Variants in CDC14A observed in about 807,000 individuals in gnomAD.
The protein encoded by CDC14A is dual specificity protein phosphatase CDC14A.
CDC14A carries 53 observed loss-of-function variants against 74.4 expected under a neutral mutation model. The observed-to-expected ratio is 0.71, with a 90% CI of 0.57 to 0.89. The LOEUF is 0.89. CDC14A is among the 40% of genes least tolerant of loss of function. The pLI is 0.00. For synonymous variants in CDC14A, 247 were observed against 258.4 expected (o/e 0.96, Z 0.43); for missense variants, 646 against 713.7 (o/e 0.91, Z 1.08).
intron 7 of CDC14A, among the ~76,000 whole-genome samples, chr1:100,445,391 C>G (rs1665422578): frequency 6.6e-6 from 1 of 152,170 alleles, no homozygotes; most frequent in Non-Finnish European, 1.5e-5. Flanking sequence ...GATGGACCCT[C>G]AAATTAGGTG....
At chr1:100,346,631 CAAAAAA>C (rs200477363) in intron 1 of CDC14A, among the ~76,000 whole-genome samples, 1 of 77,960 alleles carries the variant, frequency 1.3e-5, no homozygotes. Context: ...GACTCTGTCT[CAAAAAA>C]AAAAAAAAAA....
intron 5 of CDC14A, among the ~76,000 whole-genome samples, chr1:100,433,321 AC>A (rs1347213776): frequency 6.6e-6 from 1 of 152,224 alleles, no homozygotes; most frequent in African/African-American, 2.4e-5. Flanking sequence ...CCAACACTGT[AC>A]TATACTCTGG....
chr1:100,353,911 A>T (rs1651505783), intron 2 of CDC14A, 59 bp downstream of exon 2: 1 of 926,462 alleles, frequency 1.1e-6, no homozygotes, highest in Non-Finnish European at 1.7e-6. Flanking sequence ...TTGACGAGGA[A>T]ACACTATGCA....
intron 11 of CDC14A, among the ~76,000 whole-genome samples, chr1:100,491,518 A>ATCTCTC (rs761858427): frequency 0.054 from 1,418 of 26,394 alleles, 96 homozygotes; most frequent in Non-Finnish European, 0.085. Flanking sequence ...ATATATCTGC[A>ATCTCTC]TCTCTCTCTC....
chr1:100,511,688 T>C (rs1649795638), intron 15 of CDC14A, among the ~76,000 whole-genome samples: 2 of 152,212 alleles, frequency 1.3e-5, no homozygotes, highest in Non-Finnish European at 2.9e-5. Flanking sequence ...CTTTCCCTTG[T>C]CACACCAGTC....
intron 2 of CDC14A, among the ~76,000 whole-genome samples, chr1:100,373,759 G>C (rs1294799116): frequency 6.6e-6 from 1 of 152,026 alleles, no homozygotes; most frequent in African/African-American, 2.4e-5. Flanking sequence ...TAAGAAATGA[G>C]TCTAGAACTT....
chr1:100,433,868 A>G (rs1213713821), intron 5 of CDC14A, among the ~76,000 whole-genome samples: 1 of 152,188 alleles, frequency 6.6e-6, no homozygotes, highest in East Asian at 1.9e-4. Context: ...TACTTTTACC[A>G]CTGCTGATTT....
intron 10 of CDC14A, among the ~76,000 whole-genome samples, chr1:100,471,134 T>C (rs898425993): frequency 7.9e-5 from 12 of 152,026 alleles, no homozygotes; most frequent in Non-Finnish European, 4.4e-5. Flanking sequence ...CATAGATGAA[T>C]ATCATATTAT....
intron 4 of CDC14A, among the ~76,000 whole-genome samples, chr1:100,394,567 G>C (rs1213473243): frequency 1.3e-5 from 2 of 152,216 alleles, no homozygotes; most frequent in Admixed American, 6.5e-5. Context: ...TTCTGATGGA[G>C]AAGTTTCCAC....
At chr1:100,506,759 C>G (rs562406884) in intron 15 of CDC14A, among the ~76,000 whole-genome samples, 1 of 152,254 alleles carries the variant, frequency 6.6e-6, no homozygotes, top group South Asian at 2.1e-4. Flanking sequence ...GGTTGTTCAG[C>G]TTAATTTTAT....
chr1:100,440,139 A>G, intron 6 of CDC14A, 141 bp downstream of exon 6: 1 of 638,002 alleles, frequency 1.6e-6, no homozygotes, highest in Non-Finnish European at 2.7e-6. Flanking sequence ...TTGAAGGATG[A>G]TTGATTTGTA....
At chr1:100,514,382 T>G (rs1650029769) in intron 15 of CDC14A, among the ~76,000 whole-genome samples, 1 of 152,314 alleles carries the variant, frequency 6.6e-6, no homozygotes, top group African/African-American at 2.4e-5. Flanking sequence ...TCAGGCCTGA[T>G]GAAAATCATT....
In CDC14A at chr1:100,508,273, T is replaced by TTA. The variant is rs1392848460; in HGVS notation, c.1755+9015_1755+9016dup. On this transcript the variant is annotated intron_variant, in intron 15 of 15. Coordinates refer to ENST00000336454, the MANE Select transcript of CDC14A (RefSeq NM_003672.4). This position sits in a 1 kb window ranked among gnomAD's most constrained non-coding sequence, Gnocchi z 4.4. ...TTTGTTTTATGGCTTCTTATTCTTT[T>TTA]TATATGTGTGTGTATATATATAGAT... 2.0e-5 allele frequency among the ~76,000 whole-genome samples: 3 copies of TTA among 151,746 alleles called. No homozygotes were observed. The highest frequency in any genetic ancestry group is 4.8e-5 in the African/African-American group (2 of 41,360).
chr1:100,378,236 C>CT (rs968443642), intron 3 of CDC14A, among the ~76,000 whole-genome samples: 1 of 151,240 alleles, frequency 6.6e-6, no homozygotes, highest in Admixed American at 6.6e-5. Flanking sequence ...TGGCATGTGG[C>CT]TTTTTTTTTC....
chr1:100,515,124 CCTGT>C (rs1042235197), intron 15 of CDC14A, among the ~76,000 whole-genome samples: 8 of 152,260 alleles, frequency 5.3e-5, no homozygotes, highest in Admixed American at 3.3e-4. Context: ...ATCTATCTAA[CCTGT>C]CTAAGATTTG....
Position 100,499,141 on chromosome 1 carries a change from G to A in CDC14A, c.1634G>A (p.Gly545Asp), listed in dbSNP as rs1648367859. Residue 545 changes from glycine to aspartate, a missense_variant, in exon 15 of 16, where the codon GGC becomes GAC. By Grantham distance (94) the Gly-to-Asp change is moderately conservative. Transcript: ENST00000336454. ...QYNRSSNSNG[G>D]NLNSPPGPHS... ...AACAGAAGCAGCAACAGCAACGGGG[G>A]CAACCTGAACAGCCCCCCAGGCCCC... The A allele has an allele frequency of 1.9e-6, 3 of 1,614,102 alleles. No individual in the cohort carries two copies. Among genetic ancestry groups the A allele is most frequent in the East Asian group, 2.2e-5 (1 of 44,868 alleles).
At chr1:100,477,224 A>G (rs1272927111) in intron 10 of CDC14A, among the ~76,000 whole-genome samples, 2 of 152,160 alleles carry the variant, frequency 1.3e-5, no homozygotes, top group Non-Finnish European at 1.5e-5. Context: ...CATTTACGGT[A>G]ATGCTTTACA....
In CDC14A at chr1:100,508,145, C is replaced by T. The variant is rs907686992; in HGVS notation, c.1755+8883C>T. On this transcript the variant is annotated intron_variant, in intron 15 of 15. Transcript: ENST00000336454. This position sits in a 1 kb window ranked among gnomAD's most constrained non-coding sequence, Gnocchi z 4.4. The stretch of plus-strand genomic sequence containing the variant: ...AATGTGTCCATTCTGGAGTATATCC[C>T]CCAATCCACTGACCTTTGATTTCAG... 7.9e-5 allele frequency among the ~76,000 whole-genome samples: 12 copies of T among 152,070 alleles called. No homozygotes were observed. The highest frequency in any genetic ancestry group is 2.2e-4 in the African/African-American group (9 of 41,382).
intron 3 of CDC14A, among the ~76,000 whole-genome samples, chr1:100,382,390 ATTTTTTTTTTT>A (rs59014809): frequency 8.7e-6 from 1 of 115,288 alleles, no homozygotes; most frequent in African/African-American, 3.2e-5. Flanking sequence ...CCAGCTAACT[ATTTTTTTTTTT>A]TTTTTTTTTT....
Sources: gnomAD v4.1 joint callset for allele counts (sites outside exome capture counted in the v4.1 genomes callset) on GRCh38, gnomAD v4.1.1 for gene constraint, Gnocchi (gnomAD v3.1) non-coding constraint, MANE v1.5 for transcripts, NCBI Gene and HGNC (gene_info 2026-07-23, HGNC 2026-07-21) for gene names.